B3GNT2: variants seen among roughly 807,000 people sequenced by gnomAD.
The protein encoded by B3GNT2 is N-acetyllactosaminide beta-1,3-N-acetylglucosaminyltransferase 2.
In B3GNT2, 12 loss-of-function variants were observed where a neutral mutation model predicts 27.6. That is an observed-to-expected ratio of 0.44 (90% CI 0.28 to 0.71). The LOEUF (loss-of-function observed/expected upper bound fraction) is 0.71, where lower values mean the gene tolerates loss of function less well. Among genes scored for constraint, B3GNT2 ranks in the 30% least tolerant of loss-of-function variants. The pLI, the probability that B3GNT2 is intolerant of heterozygous loss-of-function variation, is 0.17. For missense variants in B3GNT2, 413 were observed against 488.5 expected, an observed-to-expected ratio of 0.85 and a Z score of 1.46; for synonymous variants, 192 against 189.7, an observed-to-expected ratio of 1.01 and a Z score of -0.10.
intron 1 of B3GNT2, among the ~76,000 whole-genome samples, chr2:62,215,986 G>C (rs1340566346): frequency 6.6e-6 from 1 of 152,170 alleles, no homozygotes; most frequent in Non-Finnish European, 1.5e-5. Flanking sequence ...CTTGGGTCTG[G>C]CTTGTACGTA....
intron 1 of B3GNT2, among the ~76,000 whole-genome samples, chr2:62,203,779 TG>T (rs1674315765): frequency 6.6e-6 from 1 of 151,974 alleles, no homozygotes; most frequent in African/African-American, 2.4e-5. Context: ...TCCTGGGAGT[TG>T]GGGGTCAGGG....
At chr2:62,216,474 C>G (rs1232819132) in intron 1 of B3GNT2, among the ~76,000 whole-genome samples, 1 of 151,730 alleles carries the variant, frequency 6.6e-6, no homozygotes, top group East Asian at 1.9e-4. Flanking sequence ...GGTACAATCT[C>G]AGCTCACTGC....
chr2:62,206,236 C>T (rs1208917759), intron 1 of B3GNT2, among the ~76,000 whole-genome samples: 1 of 152,280 alleles, frequency 6.6e-6, no homozygotes, highest in Non-Finnish European at 1.5e-5. Flanking sequence ...CCATTTCCCT[C>T]CATGCAGCTC....
intron 1 of B3GNT2, among the ~76,000 whole-genome samples, chr2:62,217,621 G>T (rs1674601497): frequency 6.6e-6 from 1 of 152,214 alleles, no homozygotes; most frequent in African/African-American, 2.4e-5. Flanking sequence ...ACACAGGCTG[G>T]GGGTGGGCTG....
intron 1 of B3GNT2, among the ~76,000 whole-genome samples, chr2:62,210,616 A>G (rs1004749252): frequency 6.6e-6 from 1 of 151,932 alleles, no homozygotes. Flanking sequence ...TAAATAATAC[A>G]AAAATTAGCT....
intron 1 of B3GNT2, among the ~76,000 whole-genome samples, chr2:62,210,840 A>G (rs779414741): frequency 6.6e-6 from 1 of 152,156 alleles, no homozygotes; most frequent in Non-Finnish European, 1.5e-5. Flanking sequence ...TCTTGGGTAT[A>G]CAACGAGAGG....
intron 1 of B3GNT2, among the ~76,000 whole-genome samples, chr2:62,212,314 T>C (rs1674496282): frequency 6.6e-6 from 1 of 152,142 alleles, no homozygotes; most frequent in South Asian, 2.1e-4. Flanking sequence ...ACCAGGAGCC[T>C]AAGACTGGGT....
rs1242118961 is a variant in B3GNT2, at chr2:62,213,012, A to T, written c.-9-9200A>T. Reference sequence around the variant, plus strand: ...CCTAGAGGTTGGAGTGGAAGCATTTACCAAGCCACGTACAAGCTCTTAACC... The same window carrying T: ...CCTAGAGGTTGGAGTGGAAGCATTTTCCAAGCCACGTACAAGCTCTTAACC... On this transcript the variant is annotated intron_variant, in intron 1 of 1. Transcript: ENST00000301998. 2.6e-5 allele frequency among the ~76,000 whole-genome samples: 4 copies of T among 152,270 alleles called. No individual in the cohort carries two copies. The East Asian group carries it at 5.8e-4, about 22-fold the overall frequency.
At chr2:62,199,396 A>AT (rs371443639) in intron 1 of B3GNT2, among the ~76,000 whole-genome samples, 2 of 152,060 alleles carry the variant, frequency 1.3e-5, no homozygotes, top group African/African-American at 2.4e-5. Context: ...ATTTTTCTGT[A>AT]TTTTTTTGAT....
At chr2:62,207,242 C>T (rs1286886728) in intron 1 of B3GNT2, among the ~76,000 whole-genome samples, 2 of 151,926 alleles carry the variant, frequency 1.3e-5, no homozygotes, top group African/African-American at 4.8e-5. Flanking sequence ...TGCCGTGGCA[C>T]GATCTGGGTA....
In B3GNT2 at chr2:62,196,277, G is replaced by C. The variant is rs1573253574; in HGVS notation, c.-88G>C. 6.6e-6 allele frequency: 1 copy of C among 152,132 alleles called. No individual in the cohort carries two copies. The highest frequency in any genetic ancestry group is 1.9e-4 in the East Asian group (1 of 5,164). 9.4% of individuals were successfully genotyped at this position (152,132 alleles called of 1,614,324 possible). On this transcript the variant is annotated 5_prime_UTR_variant, in exon 1 of 2. Transcript: ENST00000301998. ...GGCGGTCGCCGGGCTGAGCCGCGCG[G>C]AGCGGCCGGGACGTGGATGTGGCCG... is the stretch of plus-strand genomic sequence containing the variant.
chr2:62,201,156 G>A (rs1271760491), intron 1 of B3GNT2, among the ~76,000 whole-genome samples: 2 of 152,052 alleles, frequency 1.3e-5, no homozygotes, highest in Non-Finnish European at 2.9e-5. Context: ...TTCATTAAAA[G>A]TTCTGTAGGT....
At position 62,216,295 on chromosome 2, in the gene B3GNT2, G is replaced by T. The variant is rs1199897186; in HGVS notation, c.-9-5917G>T. 2.0e-5 allele frequency among the ~76,000 whole-genome samples: 3 copies of T among 152,040 alleles called. No individual in the cohort carries two copies. In the East Asian group the frequency reaches 5.8e-4, roughly 29 times the overall value. On this transcript the variant is annotated intron_variant, in intron 1 of 1. Coordinates refer to ENST00000301998, the MANE Select transcript of B3GNT2 (RefSeq NM_006577.6). ...AAAACAGCCTGTGTGGGCTAAGTAG[G>T]TATTGAAGACCTTTGCTTTGGTCAG...
intron 1 of B3GNT2, among the ~76,000 whole-genome samples, chr2:62,211,760 G>C (rs1674486206): frequency 6.7e-6 from 1 of 149,468 alleles, no homozygotes; most frequent in South Asian, 2.1e-4. Flanking sequence ...CCATGAACTG[G>C]CTGTGTCCAT....
intron 1 of B3GNT2, among the ~76,000 whole-genome samples, chr2:62,213,187 C>T (rs1477278696): frequency 6.6e-6 from 1 of 152,074 alleles, no homozygotes. Flanking sequence ...GTGGCACATC[C>T]CAGCTGCTCG....
intron 1 of B3GNT2, among the ~76,000 whole-genome samples, chr2:62,202,802 TC>T (rs1674294594): frequency 6.6e-6 from 1 of 152,186 alleles, no homozygotes; most frequent in Non-Finnish European, 1.5e-5. Flanking sequence ...CCTGTCTTCT[TC>T]AGAGGAAAGC....
chr2:62,205,610 C>T (rs1417898738), intron 1 of B3GNT2, among the ~76,000 whole-genome samples: 2 of 152,212 alleles, frequency 1.3e-5, no homozygotes, highest in Non-Finnish European at 2.9e-5. Flanking sequence ...TGCCGCCTTG[C>T]TCTGAAGTTG....
At chr2:62,212,966 T>G (rs1325419466) in intron 1 of B3GNT2, among the ~76,000 whole-genome samples, 1 of 152,042 alleles carries the variant, frequency 6.6e-6, no homozygotes, top group Non-Finnish European at 1.5e-5. Flanking sequence ...GCTGCCAGAG[T>G]ACACTTGCTT....
intron 1 of B3GNT2, among the ~76,000 whole-genome samples, chr2:62,218,214 A>G (rs1478704742): frequency 6.6e-6 from 1 of 152,198 alleles, no homozygotes; most frequent in East Asian, 1.9e-4. Context: ...TCACTGCTTT[A>G]TCCTCCTTTC....
Sources: allele counts gnomAD v4.1 joint callset (sites outside exome capture counted in the v4.1 genomes callset), GRCh38; gene constraint gnomAD v4.1.1; transcripts MANE v1.5; gene names NCBI Gene and HGNC (gene_info 2026-07-23, HGNC 2026-07-21).